Variants in GALNS observed in about 807,000 individuals in gnomAD.
GALNS encodes N-acetylgalactosamine-6-sulfatase.
Under a neutral mutation model 65.9 loss-of-function variants are expected in GALNS, and 65 were observed. That is an observed-to-expected ratio of 0.99 (90% CI 0.81 to 1.21). GALNS has a LOEUF of 1.21. GALNS is among the 50% of genes most tolerant of loss of function. The pLI is 0.00. For synonymous variants in GALNS, 346 were observed against 288.9 expected (o/e 1.20, Z -2.00); for missense variants, 776 against 700.7 (o/e 1.11, Z -1.21).
At chr16:88,842,527 A>G in intron 2 of GALNS, 179 bp downstream of exon 2, 1 of 735,538 alleles carries the variant, frequency 1.4e-6, no homozygotes, top group Non-Finnish European at 2.2e-6. Flanking sequence ...CGCACCCCAC[A>G]TGGCACGGAG....
At chr16:88,816,525 C>G (rs527940838) in intron 13 of GALNS, 13 of 270,812 alleles carry the variant, frequency 4.8e-5, no homozygotes, top group Non-Finnish European at 6.0e-5. Flanking sequence ...CCCCGCCCCC[C>G]GCCCCCCAAC....
rs1013550741 is a variant in GALNS at position 88,855,770 on chromosome 16, C to A, written c.120+988G>T. ...ATTCCGACAGCCACGACTGCCCAGCCCTTGGGTGTGGCCCGTGGCCCCCAC... is the reference window on the plus strand; with the variant it reads ...ATTCCGACAGCCACGACTGCCCAGCACTTGGGTGTGGCCCGTGGCCCCCAC... On this transcript the variant is annotated intron_variant, in intron 1 of 13. Coordinates refer to ENST00000268695, the MANE Select transcript of GALNS (RefSeq NM_000512.5). 117 of 541,776 alleles carry A rather than the reference C, an allele frequency of 2.2e-4. No homozygotes were observed. The Admixed American group carries it at 3.6e-3, about 17-fold the overall frequency. 33.6% of individuals were successfully genotyped at this position (541,776 alleles called of 1,614,324 possible).
intron 13 of GALNS, chr16:88,815,179 C>T (rs903626871): frequency 5.1e-6 from 5 of 985,358 alleles, no homozygotes; most frequent in Non-Finnish European, 4.8e-6. Context: ...ACCCTCTTGA[C>T]TCGGCCTCTC....
intron 12 of GALNS, among the ~76,000 whole-genome samples, chr16:88,818,667 G>C (rs1024883625): frequency 5.9e-5 from 9 of 152,226 alleles, no homozygotes; most frequent in African/African-American, 2.2e-4. Flanking sequence ...CACGGTTCGC[G>C]ATGTCAGGGC....
intron 11 of GALNS, among the ~76,000 whole-genome samples, 166 bp downstream of exon 11, chr16:88,824,601 C>T (rs1910609151): frequency 6.6e-6 from 1 of 152,182 alleles, no homozygotes; most frequent in Non-Finnish European, 1.5e-5. Flanking sequence ...AGCTGCCATG[C>T]CCTAGGCCAC....
intron 1 of GALNS, chr16:88,843,076 G>C: frequency 6.6e-7 from 1 of 1,510,136 alleles, no homozygotes; most frequent in Non-Finnish European, 8.8e-7. Context: ...TCCACGGTCA[G>C]CCCACGCTGT....
At chr16:88,815,459 C>G (rs1338628863) in intron 13 of GALNS, 3 of 985,370 alleles carry the variant, frequency 3.0e-6, no homozygotes, top group Non-Finnish European at 3.6e-6. Flanking sequence ...CCGCACCCCT[C>G]CATCGCCTGG....
intron 13 of GALNS, chr16:88,817,020 G>A (rs997784627): frequency 2.0e-6 from 2 of 985,356 alleles, no homozygotes; most frequent in African/African-American, 3.5e-5. Flanking sequence ...CCTGTGTGTG[G>A]CTCGTTTTTG....
chr16:88,825,320 A>G (rs4994209), intron 10 of GALNS, among the ~76,000 whole-genome samples: 31,545 of 82,132 alleles, frequency 0.38, 5,145 homozygotes, highest in East Asian at 0.62. Flanking sequence ...GCGACTGGGT[A>G]TCTGGGGTGC....
chr16:88,856,067 G>A, intron 1 of GALNS: 1 of 661,624 alleles, frequency 1.5e-6, no homozygotes, highest in Non-Finnish European at 2.8e-6. Flanking sequence ...CCCCAGGCAG[G>A]CTCATTCCTG....
chr16:88,848,934 G>A (rs1312013102), intron 1 of GALNS, among the ~76,000 whole-genome samples: 4 of 152,192 alleles, frequency 2.6e-5, no homozygotes, highest in South Asian at 2.1e-4. Flanking sequence ...CCCGGTGGAC[G>A]GCAGGCTACA....
Position 88,816,597 on chromosome 16 carries a change from G to A in GALNS, c.1482+1410C>T, listed in dbSNP as rs1308445449. On this transcript the variant is annotated intron_variant, in intron 13 of 13. Coordinates refer to ENST00000268695, the MANE Select transcript of GALNS (RefSeq NM_000512.5). Reference sequence around the variant, plus strand: ...ACCCTGCAGGGTGGACTGTCCCTGGGCAGGGACAAGGCCATCTGCCCTCCA... The same window carrying A: ...ACCCTGCAGGGTGGACTGTCCCTGGACAGGGACAAGGCCATCTGCCCTCCA... 18 of 983,914 alleles carry A rather than the reference G, an allele frequency of 1.8e-5. No individual in the cohort carries two copies. The South Asian group carries it at 8.0e-4, about 44-fold the overall frequency. 60.9% of individuals were successfully genotyped at this position (983,914 alleles called of 1,614,324 possible). A position where few individuals can be genotyped will look rare whatever the true frequency, so the allele number is the denominator to read the frequency against.
At chr16:88,825,760 G>A (rs1910825533) in intron 10 of GALNS, among the ~76,000 whole-genome samples, 1 of 152,092 alleles carries the variant, frequency 6.6e-6, no homozygotes, top group South Asian at 2.1e-4. Context: ...TCAGGAACGG[G>A]GAGTGGGGGA....
chr16:88,819,384 A>C (rs1297192592), intron 12 of GALNS, among the ~76,000 whole-genome samples: 1 of 152,202 alleles, frequency 6.6e-6, no homozygotes, highest in Non-Finnish European at 1.5e-5. Flanking sequence ...CACAGGGTCC[A>C]TTTTTAATCC....
At chr16:88,816,405 A>C (rs1873209516) in intron 13 of GALNS, 1 of 985,258 alleles carries the variant, frequency 1.0e-6, no homozygotes, top group African/African-American at 1.7e-5. Context: ...AGGGGTCCTG[A>C]GACAGGGACC....
rs764581223 is a variant in GALNS at position 88,815,408 on chromosome 16, C to A, written c.1483-883G>T. 5.8e-4 allele frequency: 574 copies of A among 985,374 alleles called. 2 individuals are homozygous for A. Among genetic ancestry groups the A allele is most frequent in the Non-Finnish European group, 6.1e-4 (508 of 829,946 alleles). 61.0% of individuals were successfully genotyped at this position (985,374 alleles called of 1,614,324 possible). ...TTTCCCAGGGAGAAGCCAGTCCCTA[C>A]TGCGCTGCTGGGCTCAGTTCAGTGC... On this transcript the variant is annotated intron_variant, in intron 13 of 13. Transcript: ENST00000268695.
intron 9 of GALNS, 104 bp downstream of exon 9, chr16:88,831,894 G>T: frequency 1.1e-6 from 1 of 945,966 alleles, no homozygotes; most frequent in South Asian, 1.4e-5. Context: ...CGGTGAGGAT[G>T]AGCACGGGGT....
chr16:88,852,908 T>C (rs1967574380), intron 1 of GALNS, among the ~76,000 whole-genome samples: 1 of 151,954 alleles, frequency 6.6e-6, no homozygotes, highest in Non-Finnish European at 1.5e-5. Flanking sequence ...TGAGCTGTGA[T>C]CGAGCTACTG....
At chr16:88,823,690 C>T (rs534585216) in intron 11 of GALNS, among the ~76,000 whole-genome samples, 3 of 103,344 alleles carry the variant, frequency 2.9e-5, no homozygotes, top group South Asian at 3.4e-4. Flanking sequence ...CCCTCGCAGG[C>T]GGCAATGCCG....
Sources: allele counts gnomAD v4.1 joint callset (sites outside exome capture counted in the v4.1 genomes callset), GRCh38; gene constraint gnomAD v4.1.1; transcripts MANE v1.5; gene names NCBI Gene and HGNC (gene_info 2026-07-23, HGNC 2026-07-21).